GALNT18: variants seen among roughly 807,000 people sequenced by gnomAD.
GALNT18 encodes polypeptide N-acetylgalactosaminyltransferase 18.
GALNT18 carries 44 observed loss-of-function variants against 69.5 expected under a neutral mutation model. The observed-to-expected ratio is 0.63, with a 90% CI of 0.50 to 0.81. The LOEUF (loss-of-function observed/expected upper bound fraction) is 0.81. Ranked by LOEUF, GALNT18 falls within the 40% of genes least tolerant of loss-of-function variation. GALNT18 has a pLI of 0.00. For synonymous variants in GALNT18, 364 were observed against 318.2 expected, an observed-to-expected ratio of 1.14 and a Z score of -1.53; for missense variants, 715 against 810.0, an observed-to-expected ratio of 0.88 and a Z score of 1.42.
chr11:11,318,212 C>T lies in GALNT18; in HGVS notation c.1512+8874G>A, dbSNP rs183254514. ...TCCACTCTTCCCATTTGGAGGTGAA[C>T]TGGGTTGGATTGTGTCACCCCAAAA... On this transcript the variant is annotated intron_variant, in intron 9 of 10. Coordinates refer to ENST00000227756, the MANE Select transcript of GALNT18 (RefSeq NM_198516.3). This position sits in a 1 kb window ranked among gnomAD's most constrained non-coding sequence, Gnocchi z 5.1. Among the ~76,000 whole-genome samples, 7 of 152,270 alleles carry T rather than the reference C, an allele frequency of 4.6e-5. No individual in the cohort carries two copies. Among genetic ancestry groups the T allele is most frequent in the African/African-American group, 1.7e-4 (7 of 41,556 alleles).
In GALNT18 at chr11:11,337,161, T is replaced by A. The variant is rs1850128475; in HGVS notation, c.1278+3658A>T. Among the ~76,000 whole-genome samples, 1 of 152,156 alleles carries A rather than the reference T, an allele frequency of 6.6e-6. No homozygotes were observed. The highest frequency in any genetic ancestry group is 1.5e-5 in the Non-Finnish European group (1 of 68,030). On this transcript the variant is annotated intron_variant, in intron 7 of 10. Transcript: ENST00000227756. This position sits in a 1 kb window ranked among gnomAD's most constrained non-coding sequence, Gnocchi z 4.9. The stretch of plus-strand genomic sequence containing the variant: ...GATGAGACCCAGATGAGTATTTTTT[T>A]AAAAGTTCTTCAAGCGATTCTGATG...
intron 1 of GALNT18, among the ~76,000 whole-genome samples, chr11:11,519,557 T>C (rs11607637): frequency 0.21 from 31,254 of 152,090 alleles, 3,797 homozygotes; most frequent in Non-Finnish European, 0.25. Flanking sequence ...GCAAAGGGAA[T>C]CCTCCTAGGC....
chr11:11,463,727 G>A lies in GALNT18; in HGVS notation c.236-14791C>T, dbSNP rs1441863328. On this transcript the variant is annotated intron_variant, in intron 1 of 10. Coordinates refer to ENST00000227756, the MANE Select transcript of GALNT18 (RefSeq NM_198516.3). The surrounding 1 kb of genome is among the most constrained non-coding windows in gnomAD (Gnocchi z 4.2). ...CCCTGGCAGGATAGGGAAAGGCTTT[G>A]AATCCACGTCAAAGAAGCCATCAAA... is the stretch of plus-strand genomic sequence containing the variant. 6.6e-6 allele frequency among the ~76,000 whole-genome samples: 1 copy of A among 152,170 alleles called. No homozygotes were observed. Among genetic ancestry groups the A allele is most frequent in the African/African-American group, 2.4e-5 (1 of 41,440 alleles).
intron 1 of GALNT18, among the ~76,000 whole-genome samples, chr11:11,471,387 T>C (rs1209296414): frequency 6.6e-6 from 1 of 152,226 alleles, no homozygotes. Context: ...GTGAGTCATG[T>C]AGGACTGGTC....
At chr11:11,386,225 T>G (rs1214773573) in intron 3 of GALNT18, among the ~76,000 whole-genome samples, 1 of 152,176 alleles carries the variant, frequency 6.6e-6, no homozygotes, top group Non-Finnish European at 1.5e-5. Context: ...TTGCAGAGTC[T>G]CCAAGTCTCC....
At chr11:11,512,805 A>G (rs961892685) in intron 1 of GALNT18, among the ~76,000 whole-genome samples, 1 of 152,182 alleles carries the variant, frequency 6.6e-6, no homozygotes, top group African/African-American at 2.4e-5. Context: ...CATCTATCAC[A>G]TGGACACCAG....
intron 6 of GALNT18, among the ~76,000 whole-genome samples, chr11:11,366,890 G>A (rs182751059): frequency 1.3e-5 from 2 of 152,326 alleles, no homozygotes; most frequent in East Asian, 3.9e-4. Context: ...AAACCTAGGA[G>A]AGGGGATGAA....
rs1311602394 is a variant in GALNT18, at chr11:11,439,124, A to AGG, written c.429-6339_429-6338dup. ...GCCCTGTCCAGCCACTGGACAATGG[A>AGG]GGGGTTGAATGTAGGAGATCCTAAG... On this transcript the variant is annotated intron_variant, in intron 2 of 10. Coordinates refer to ENST00000227756, the MANE Select transcript of GALNT18 (RefSeq NM_198516.3). The surrounding 1 kb of genome is among the most constrained non-coding windows in gnomAD (Gnocchi z 4.4). 6.6e-6 allele frequency among the ~76,000 whole-genome samples: 1 copy of AGG among 152,162 alleles called. No homozygotes were observed. The highest frequency in any genetic ancestry group is 1.5e-5 in the Non-Finnish European group (1 of 68,018).
rs1168744357 is a variant in GALNT18 at position 11,620,328 on chromosome 11, CGCGCGTGT to C, written c.235+1023_235+1030del. The stretch of plus-strand genomic sequence containing the variant: ...AAGTGTGGACGTGAGCGCGCGCGCG[CGCGCGTGT>C]GTGTGTGTGTGTGCACACCCGGCAC... On this transcript the variant is annotated intron_variant, in intron 1 of 10. Transcript: ENST00000227756. This position sits in a 1 kb window ranked among gnomAD's most constrained non-coding sequence, Gnocchi z 6.9. Among the ~76,000 whole-genome samples the C allele has an allele frequency of 9.0e-6, 1 of 110,748 alleles. No individual in the cohort carries two copies. Among genetic ancestry groups the C allele is most frequent in the Non-Finnish European group, 1.7e-5 (1 of 57,212 alleles). The allele number at this position is 110,748 out of a possible 152,430, so 72.7% of individuals were successfully genotyped here.
chr11:11,605,089 T>C lies in GALNT18; in HGVS notation c.235+16270A>G, dbSNP rs558316507. 3.3e-5 allele frequency among the ~76,000 whole-genome samples: 5 copies of C among 152,276 alleles called. No individual in the cohort carries two copies. The highest frequency in any genetic ancestry group is 1.9e-4 in the East Asian group (1 of 5,180). On this transcript the variant is annotated intron_variant, in intron 1 of 10. Coordinates refer to ENST00000227756, the MANE Select transcript of GALNT18 (RefSeq NM_198516.3). This position sits in a 1 kb window ranked among gnomAD's most constrained non-coding sequence, Gnocchi z 4.7. ...GAGAATAATAGGAAAAGAAAAATCA[T>C]AGTTGTCTGAGGCTCCGGCTAATGG...
intron 3 of GALNT18, among the ~76,000 whole-genome samples, chr11:11,425,405 C>T (rs1855105568): frequency 6.6e-6 from 1 of 152,196 alleles, no homozygotes; most frequent in African/African-American, 2.4e-5. Context: ...TTGGGCAAGG[C>T]ACTGCCAACC....
Position 11,473,733 on chromosome 11 carries a change from T to C in GALNT18, c.236-24797A>G, listed in dbSNP as rs145861394. Reference sequence around the variant, plus strand: ...GTTTGTTAAGCTAACTGAACACCTATTGCATGTCAGGCACCTGGCAGACAT... The same window carrying C: ...GTTTGTTAAGCTAACTGAACACCTACTGCATGTCAGGCACCTGGCAGACAT... On this transcript the variant is annotated intron_variant, in intron 1 of 10. Transcript: ENST00000227756. 3.4e-3 allele frequency among the ~76,000 whole-genome samples: 525 copies of C among 152,324 alleles called. 3 individuals carry two copies. Among genetic ancestry groups the C allele is most frequent in the Non-Finnish European group, 5.0e-3 (343 of 68,036 alleles).
chr11:11,431,130 G>A (rs761808298), intron 3 of GALNT18, among the ~76,000 whole-genome samples: 24 of 152,148 alleles, frequency 1.6e-4, no homozygotes, highest in Non-Finnish European at 1.6e-4. Context: ...GAAAGGCTCC[G>A]AGATTTCTTC....
chr11:11,525,632 C>CT (rs33938067), intron 1 of GALNT18, among the ~76,000 whole-genome samples: 78,114 of 118,524 alleles, frequency 0.66, 26,389 homozygotes, highest in East Asian at 0.77. Flanking sequence ...GTGCATATTA[C>CT]TTTTTTTTTT....
chr11:11,356,446 G>T lies in GALNT18; in HGVS notation c.1093-15442C>A, dbSNP rs1850531237. 6.6e-6 allele frequency among the ~76,000 whole-genome samples: 1 copy of T among 152,136 alleles called. No homozygotes were observed. The highest frequency in any genetic ancestry group is 6.5e-5 in the Admixed American group (1 of 15,278). On this transcript the variant is annotated intron_variant, in intron 6 of 10. Transcript: ENST00000227756. This position sits in a 1 kb window ranked among gnomAD's most constrained non-coding sequence, Gnocchi z 4.4. ...AAAGGGAGACAGAAAATGACTCTGG[G>T]GAGCTTTAACATACATTGTGAGCTT...
At position 11,493,653 on chromosome 11, in the gene GALNT18, G is replaced by A. The variant is rs573815875; in HGVS notation, c.236-44717C>T. ...GTTATCTACGTCTCAAGATTTTTTG[G>A]AAAAAAAGCCATGAGGTACACCCAC... On this transcript the variant is annotated intron_variant, in intron 1 of 10. Coordinates refer to ENST00000227756, the MANE Select transcript of GALNT18 (RefSeq NM_198516.3). Among the ~76,000 whole-genome samples, 33 of 152,056 alleles carry A rather than the reference G, an allele frequency of 2.2e-4. No individual in the cohort carries two copies. In the East Asian group the frequency reaches 6.0e-3, roughly 28 times the overall value.
At chr11:11,440,592 A>G (rs989226607) in intron 2 of GALNT18, among the ~76,000 whole-genome samples, 8 of 152,100 alleles carry the variant, frequency 5.3e-5, no homozygotes, top group Admixed American at 4.6e-4. Context: ...GGCTGGAGAG[A>G]AATTACTCCC....
intron 6 of GALNT18, among the ~76,000 whole-genome samples, chr11:11,364,055 T>C (rs1850701181): frequency 1.3e-5 from 2 of 152,220 alleles, no homozygotes; most frequent in South Asian, 2.1e-4. Context: ...AAAAAACTAA[T>C]TGGTCCCCTT....
In GALNT18 at chr11:11,432,551, G is replaced by A. The variant is rs1408359749; in HGVS notation, c.595+70C>T. 6 of 1,467,754 alleles carry A rather than the reference G, an allele frequency of 4.1e-6. No individual in the cohort carries two copies. Among genetic ancestry groups the A allele is most frequent in the Non-Finnish European group, 5.6e-6 (6 of 1,080,988 alleles). The allele number at this position is 1,467,754 out of a possible 1,614,324, so 90.9% of individuals were successfully genotyped here. A position where few individuals can be genotyped will look rare whatever the true frequency, so the allele number is the denominator to read the frequency against. On this transcript the variant is annotated intron_variant, in intron 3 of 10. Coordinates refer to ENST00000227756, the MANE Select transcript of GALNT18 (RefSeq NM_198516.3). The surrounding 1 kb of genome is among the most constrained non-coding windows in gnomAD (Gnocchi z 5.8). Reference sequence around the variant, plus strand: ...ACAGCCTTGAGCAAATGTGAACCACGACGCTGAACCATCAGCTTAGATGTC... The same window carrying A: ...ACAGCCTTGAGCAAATGTGAACCACAACGCTGAACCATCAGCTTAGATGTC...
Sources: gnomAD v4.1 joint callset for allele counts (sites outside exome capture counted in the v4.1 genomes callset) on GRCh38, gnomAD v4.1.1 for gene constraint, Gnocchi (gnomAD v3.1) non-coding constraint, MANE v1.5 for transcripts, NCBI Gene and HGNC (gene_info 2026-07-23, HGNC 2026-07-21) for gene names.